The following PHF24 variants were observed in gnomAD, a reference collection of about 807,000 sequenced individuals.
PHF24 encodes Galpha inhibitory interacting protein.
PHF24 carries 25 observed loss-of-function variants against 42.6 expected under a neutral mutation model. The observed-to-expected ratio is 0.59, with a 90% CI of 0.43 to 0.82. The LOEUF (loss-of-function observed/expected upper bound fraction) is 0.82. PHF24 is among the 40% of genes least tolerant of loss of function. PHF24 has a pLI of 0.00. For missense variants in PHF24, 470 were observed against 538.1 expected (o/e 0.87, Z 1.25); for synonymous variants, 185 against 204.8 (o/e 0.90, Z 0.83).
At chr9:34,718,149 G>A in the PHF24 span, among the ~76,000 whole-genome samples, 3 of 152,190 alleles carry the variant, frequency 2.0e-5, no homozygotes, top group Non-Finnish European at 4.4e-5. Context: ...TGCCCCTGTG[G>A]CCTTTGTAGC....
chr9:34,890,993 A>C, the PHF24 span, among the ~76,000 whole-genome samples: 1 of 151,914 alleles, frequency 6.6e-6, no homozygotes, highest in Non-Finnish European at 1.5e-5. Flanking sequence ...TGATGGGCTC[A>C]ATCTGTGATT....
chr9:34,974,070 A>G (rs1351831584), intron 3 of PHF24, among the ~76,000 whole-genome samples: 1 of 152,034 alleles, frequency 6.6e-6, no homozygotes, highest in Non-Finnish European at 1.5e-5. Context: ...CAGTGGTGCG[A>G]TCGTAGCACT....
At chr9:34,880,304 A>G in the PHF24 span, among the ~76,000 whole-genome samples, 2,809 of 152,312 alleles carry the variant, frequency 0.018, 93 homozygotes, top group African/African-American at 0.064. Flanking sequence ...AACGAGCAAA[A>G]TAACCAGCTA....
the PHF24 span, among the ~76,000 whole-genome samples, chr9:34,750,963 A>G: frequency 6.6e-6 from 1 of 152,138 alleles, no homozygotes. Context: ...AAAAAACAAG[A>G]CCCAGTGATT....
At chr9:34,749,431 C>T in the PHF24 span, among the ~76,000 whole-genome samples, 1 of 151,944 alleles carries the variant, frequency 6.6e-6, no homozygotes, top group Non-Finnish European at 1.5e-5. Flanking sequence ...TCCTTAAAGT[C>T]AAGGATATAT....
the PHF24 span, among the ~76,000 whole-genome samples, chr9:34,887,097 A>T: frequency 2.0e-5 from 3 of 152,162 alleles, no homozygotes; most frequent in Non-Finnish European, 4.4e-5. Flanking sequence ...GTTCAGGGCA[A>T]AAACTTTGGT....
the PHF24 span, among the ~76,000 whole-genome samples, chr9:34,888,884 C>T: frequency 6.6e-6 from 1 of 152,324 alleles, no homozygotes; most frequent in African/African-American, 2.4e-5. Context: ...CCTTTCTTCT[C>T]TGTCAAGTCC....
the PHF24 span, chr9:34,832,348 G>T: frequency 1.4e-6 from 1 of 732,078 alleles, no homozygotes; most frequent in Non-Finnish European, 2.4e-6. Context: ...CAGTGACGAG[G>T]ACAGTGGTGG....
chr9:34,972,504 A>G, exon 3 of PHF24: 1 of 1,612,930 alleles, frequency 6.2e-7, no homozygotes, highest in Non-Finnish European at 8.5e-7. Flanking sequence ...TGGCCCACAC[A>G]GAAACAGGCT....
the PHF24 span, among the ~76,000 whole-genome samples, chr9:34,822,439 C>T: frequency 1.3e-5 from 2 of 152,102 alleles, no homozygotes; most frequent in African/African-American, 4.8e-5. Flanking sequence ...TTAAAGTTCA[C>T]AATTCATTGG....
chr9:34,854,201 T>C, the PHF24 span, among the ~76,000 whole-genome samples: 1 of 151,116 alleles, frequency 6.6e-6, no homozygotes, highest in African/African-American at 2.4e-5. Flanking sequence ...TATCTATTTT[T>C]TTTTTTTTTT....
the PHF24 span, among the ~76,000 whole-genome samples, chr9:34,861,522 C>T: frequency 6.6e-6 from 1 of 152,096 alleles, no homozygotes; most frequent in Non-Finnish European, 1.5e-5. Context: ...TAGAAGTACT[C>T]AAAGAATCAT....
chr9:34,833,496 G>C, the PHF24 span: 54 of 1,551,030 alleles, frequency 3.5e-5, no homozygotes, highest in Non-Finnish European at 4.4e-5. Context: ...GTCTCCCCTT[G>C]GTGGTTTAGA....
chr9:34,751,471 T>C, the PHF24 span, among the ~76,000 whole-genome samples: 1 of 152,156 alleles, frequency 6.6e-6, no homozygotes. Context: ...CATTATATAA[T>C]AATGAAGGGG....
the PHF24 span, among the ~76,000 whole-genome samples, chr9:34,799,496 A>C: frequency 6.6e-6 from 1 of 152,188 alleles, no homozygotes; most frequent in Admixed American, 6.5e-5. Context: ...GCCTTGCCTC[A>C]ATGTAAGAAA....
At chr9:34,946,888 A>C in the PHF24 span, among the ~76,000 whole-genome samples, 1 of 152,248 alleles carries the variant, frequency 6.6e-6, no homozygotes, top group Non-Finnish European at 1.5e-5. Flanking sequence ...AGAAAGGGAA[A>C]TGAAACAAAA....
At chr9:34,979,635 G>A (rs1011744035) in exon 8 of PHF24, 1 of 152,256 alleles carries the variant, frequency 6.6e-6, no homozygotes, top group African/African-American at 2.4e-5. Context: ...CGAGGCCCTT[G>A]TGCTAAATCG....
At chr9:34,841,397 G>A in the PHF24 span, among the ~76,000 whole-genome samples, 1 of 152,202 alleles carries the variant, frequency 6.6e-6, no homozygotes, top group African/African-American at 2.4e-5. Context: ...TAATGTTCAA[G>A]TGAATGTTGG....
At chr9:34,834,930 C>G in the PHF24 span, 51 of 1,431,332 alleles carry the variant, frequency 3.6e-5, no homozygotes, top group Non-Finnish European at 4.2e-5. Context: ...GGCACATTTT[C>G]AATCTTGGGA....
Sources: allele counts gnomAD v4.1 joint callset (sites outside exome capture counted in the v4.1 genomes callset), GRCh38; gene constraint gnomAD v4.1.1; transcripts MANE v1.5; gene names NCBI Gene and HGNC (gene_info 2026-07-23, HGNC 2026-07-21).